GRB10: variants seen among roughly 807,000 people sequenced by gnomAD.
The protein encoded by GRB10 is growth factor receptor bound protein 10, also known as growth factor receptor-bound protein 10.
A neutral mutation model predicts 80.9 loss-of-function variants in GRB10; 20 were observed. That is an observed-to-expected ratio of 0.25 (90% CI 0.17 to 0.36). GRB10 has a LOEUF of 0.36. Among genes scored for constraint, GRB10 ranks in the 10% least tolerant of loss-of-function variants. GRB10 has a pLI of 1.00. For synonymous variants in GRB10, 291 were observed against 291.5 expected, an observed-to-expected ratio of 1.00 and a Z score of 0.02; for missense variants, 548 against 747.7, an observed-to-expected ratio of 0.73 and a Z score of 3.12.
chr7:50,682,842 A>G (rs926369939), intron 5 of GRB10, among the ~76,000 whole-genome samples: 3 of 152,230 alleles, frequency 2.0e-5, no homozygotes, highest in African/African-American at 4.8e-5. Flanking sequence ...GTTAAATCTC[A>G]ACGCTCACAC....
intron 7 of GRB10, among the ~76,000 whole-genome samples, chr7:50,639,530 G>C (rs956516310): frequency 6.6e-6 from 1 of 152,106 alleles, no homozygotes; most frequent in Non-Finnish European, 1.5e-5. Context: ...AAAATTAGCC[G>C]GGCGTAGTGG....
At chr7:50,648,044 T>C (rs532526115) in intron 7 of GRB10, among the ~76,000 whole-genome samples, 6 of 151,984 alleles carry the variant, frequency 3.9e-5, no homozygotes, top group Admixed American at 3.3e-4. Context: ...GTCTGGGCCT[T>C]GAGGAAGAGT....
chr7:50,675,811 T>C (rs868410290), intron 5 of GRB10, among the ~76,000 whole-genome samples: 1 of 140,758 alleles, frequency 7.1e-6, no homozygotes, highest in South Asian at 2.6e-4. Flanking sequence ...CACATGGAGA[T>C]GGGGAGGGGT....
Position 50,718,624 on chromosome 7 carries a change from T to C in GRB10, c.51+13648A>G, listed in dbSNP as rs551673279. Among the ~76,000 whole-genome samples the C allele has an allele frequency of 9.9e-5, 15 of 152,282 alleles. No homozygotes were observed. In the South Asian group the frequency reaches 1.7e-3, roughly 17 times the overall value. ...CACTCTACATCTAATATTTCAGTTTTTGAGGACCACAGATCTAACTTTACT... is the reference window on the plus strand; with the variant it reads ...CACTCTACATCTAATATTTCAGTTTCTGAGGACCACAGATCTAACTTTACT... On this transcript the variant is annotated intron_variant, in intron 4 of 18. Transcript: ENST00000401949.
At chr7:50,594,275 A>G (rs9656664) in intron 18 of GRB10, among the ~76,000 whole-genome samples, 25,773 of 152,136 alleles carry the variant, frequency 0.17, 2,553 homozygotes, top group African/African-American at 0.26. Context: ...TGGGGATGTC[A>G]GCACACAGCA....
At chr7:50,707,276 C>A (rs189529808) in intron 4 of GRB10, among the ~76,000 whole-genome samples, 3 of 152,272 alleles carry the variant, frequency 2.0e-5, no homozygotes, top group East Asian at 1.9e-4. Flanking sequence ...TCCTTCCCCC[C>A]AAAAGTAGTT....
In GRB10 at chr7:50,767,907, G is replaced by A. The variant is rs373360655; in HGVS notation, c.-216-11851C>T. Among the ~76,000 whole-genome samples, 54 of 152,256 alleles carry A rather than the reference G, an allele frequency of 3.5e-4. No homozygotes were observed. The South Asian group carries it at 4.6e-3, about 13-fold the overall frequency. On this transcript the variant is annotated intron_variant, in intron 2 of 18. Coordinates refer to ENST00000401949, the MANE Select transcript of GRB10 (RefSeq NM_001350814.2). ...GACCTGTTCTGCCTTCCTGGAACTG[G>A]GGAGACCAGTTGAGGAAGCAGCAGA... is the stretch of plus-strand genomic sequence containing the variant.
At chr7:50,600,630 C>T (rs1219147985) in intron 17 of GRB10, among the ~76,000 whole-genome samples, 1 of 152,138 alleles carries the variant, frequency 6.6e-6, no homozygotes, top group East Asian at 1.9e-4. Flanking sequence ...TACAAGACAA[C>T]ATGAATGCAC....
intron 7 of GRB10, among the ~76,000 whole-genome samples, chr7:50,645,870 T>C (rs981855893): frequency 9.2e-5 from 14 of 152,214 alleles, no homozygotes; most frequent in African/African-American, 3.1e-4. Context: ...CAAAGCCACA[T>C]TGCGAGGAAC....
At chr7:50,781,043 C>T (rs2078218261) in intron 1 of GRB10, 1 of 152,228 alleles carries the variant, frequency 6.6e-6, no homozygotes, top group African/African-American at 2.4e-5. Context: ...CAATCTGGAA[C>T]TTCTCTCACC....
intron 3 of GRB10, among the ~76,000 whole-genome samples, chr7:50,735,089 C>CA (rs2070555066): frequency 6.6e-6 from 1 of 152,168 alleles, no homozygotes; most frequent in African/African-American, 2.4e-5. Flanking sequence ...AAAAAACTAT[C>CA]AGAGCTAGTA....
At chr7:50,628,588 C>T (rs560091261) in intron 7 of GRB10, among the ~76,000 whole-genome samples, 34 of 150,358 alleles carry the variant, frequency 2.3e-4, no homozygotes, top group Admixed American at 1.5e-3. Context: ...GTGGTAGAGG[C>T]GGGGCTCAGC....
rs2061042663 is a variant in GRB10, at chr7:50,677,121, G to A, written c.140-2463C>T. On this transcript the variant is annotated intron_variant, in intron 5 of 18. Coordinates refer to ENST00000401949, the MANE Select transcript of GRB10 (RefSeq NM_001350814.2). ...CAGCAGCTGAGACGCAGCAAGCAGG[G>A]CCCTGTGTGCCCAGGATCTGTGTGG... Among the ~76,000 whole-genome samples the A allele has an allele frequency of 7.2e-5, 11 of 152,330 alleles. No homozygotes were observed. The South Asian group carries it at 2.3e-3, about 32-fold the overall frequency.
chr7:50,668,236 A>G (rs1240989908), intron 7 of GRB10, among the ~76,000 whole-genome samples: 13 of 152,166 alleles, frequency 8.5e-5, no homozygotes, highest in Non-Finnish European at 5.9e-5. Context: ...TCTCAAGAGG[A>G]CAGACCTTGC....
intron 7 of GRB10, among the ~76,000 whole-genome samples, chr7:50,661,101 G>T (rs1387800527): frequency 6.6e-6 from 1 of 152,248 alleles, no homozygotes; most frequent in African/African-American, 2.4e-5. Flanking sequence ...AGGCCCAGTT[G>T]CAGACACACA....
At chr7:50,619,098 A>T in intron 9 of GRB10, 72 bp downstream of exon 9, 3 of 867,954 alleles carry the variant, frequency 3.5e-6, no homozygotes, top group Non-Finnish European at 5.9e-6. Context: ...CTAATCTGAT[A>T]CTATGAAACC....
At position 50,680,872 on chromosome 7, in the gene GRB10, C is replaced by T. The variant is rs369933803; in HGVS notation, c.140-6214G>A. On this transcript the variant is annotated intron_variant, in intron 5 of 18. Coordinates refer to ENST00000401949, the MANE Select transcript of GRB10 (RefSeq NM_001350814.2). ...GCTGCATGCATATTTAATCCTATAT[C>T]CAATTCCCTGAGGGCAGGGGCATTG... Among the ~76,000 whole-genome samples, 3 of 151,982 alleles carry T rather than the reference C, an allele frequency of 2.0e-5. No individual in the cohort carries two copies. The East Asian group carries it at 5.8e-4, about 29-fold the overall frequency.
chr7:50,676,338 G>GA (rs1416628670), intron 5 of GRB10, among the ~76,000 whole-genome samples: 1 of 55,926 alleles, frequency 1.8e-5, no homozygotes, highest in African/African-American at 1.1e-4. Flanking sequence ...ACCCCACCGG[G>GA]GGGGGGGGGG....
intron 3 of GRB10, among the ~76,000 whole-genome samples, chr7:50,745,127 A>G (rs1331407706): frequency 6.6e-6 from 1 of 152,216 alleles, no homozygotes; most frequent in Non-Finnish European, 1.5e-5. Context: ...AAATCTCAAA[A>G]AAATTTTCTA....
Sources: gnomAD v4.1 joint callset for allele counts (sites outside exome capture counted in the v4.1 genomes callset) on GRCh38, gnomAD v4.1.1 for gene constraint, MANE v1.5 for transcripts, NCBI Gene and HGNC (gene_info 2026-07-23, HGNC 2026-07-21) for gene names.